The following CPS1 variants were observed in gnomAD, a reference collection of about 807,000 sequenced individuals.
The protein encoded by CPS1 is carbamoyl-phosphate synthase 1.
CPS1 carries 109 observed loss-of-function variants against 174.6 expected under a neutral mutation model. The ratio of observed to expected loss-of-function variants is 0.62; its 90% CI spans 0.53 to 0.73. The LOEUF is 0.73. CPS1 is among the 30% of genes least tolerant of loss of function. The pLI is 0.00. For synonymous variants in CPS1, 637 were observed against 632.0 expected (o/e 1.01, Z -0.12); for missense variants, 1,689 against 1,821.9 (o/e 0.93, Z 1.33).
intron 34 of CPS1, chr2:210,672,694 CA>C (rs1701350737): frequency 6.6e-6 from 1 of 152,070 alleles, no homozygotes; most frequent in Admixed American, 6.6e-5. Flanking sequence ...CATCTAAGCT[CA>C]TTTCTTTCTG....
Position 210,612,237 on chromosome 2 carries a change from G to A in CPS1, c.2512G>A (p.Asp838Asn), listed in dbSNP as rs746628905. Residue 838 changes from aspartate (D) to asparagine (N), a missense_variant, in exon 20 of 38, where the codon GAT becomes AAT. Coordinates refer to ENST00000233072, the MANE Select transcript of CPS1 (RefSeq NM_001875.5). ...GAACAAAGAATGGCCATCTAATTTA[G>A]ATCTTAGAAAAGAGTTGTCTGAACC... ...PMNKEWPSNL[D>N]LRKELSEPSS... The A allele has an allele frequency of 8.7e-6, 14 of 1,612,032 alleles. No homozygotes were observed. The East Asian group carries it at 2.7e-4, about 31-fold the overall frequency.
chr2:210,592,926 A>C lies in CPS1; in HGVS notation c.1134A>C (p.Pro378=), dbSNP rs1559094203. 6.2e-7 allele frequency: 1 copy of C among 1,612,480 alleles called. No individual in the cohort carries two copies. Among genetic ancestry groups the C allele is most frequent in the African/African-American group, 1.3e-5 (1 of 74,800 alleles). ...CCTTCTTCGCTGTGCAGTTCCACCC[A>C]GAGGTCACCCCGGGGCCAATAGACA... ...SKPFFAVQFH[P]EVTPGPIDTE... Residue 378 remains proline, a synonymous_variant, in exon 11 of 38, where the codon CCA becomes CCC. Transcript: ENST00000233072.
chr2:210,600,737 A>G (rs757586824), intron 15 of CPS1, 25 bp downstream of exon 15: 1 of 1,610,734 alleles, frequency 6.2e-7, no homozygotes, highest in Non-Finnish European at 8.5e-7. Context: ...CTTTGGAAAA[A>G]CAAGGGCATT....
At position 210,660,538 on chromosome 2, in the gene CPS1, T is replaced by C; in HGVS notation, c.3810T>C (p.Thr1270=). ...GATCCTTCCCCTTTGTTTCCAAGAC[T>C]CTTGGGGTTGACTTCATTGATGTGG... ...ASRSFPFVSK[T]LGVDFIDVAT... is the part of the protein sequence containing the mutation. Residue 1270 remains threonine, a synonymous_variant, in exon 32 of 38, where the codon ACT becomes ACC. Transcript: ENST00000233072. 6.2e-7 allele frequency: 1 copy of C among 1,614,182 alleles called. No homozygotes were observed.
intron 1 of CPS1, among the ~76,000 whole-genome samples, chr2:210,514,814 A>G (rs1387420546): frequency 2.1e-5 from 3 of 142,398 alleles, no homozygotes; most frequent in Non-Finnish European, 4.6e-5. Context: ...GTTTAGTGTG[A>G]TGCTGGTTGT....
chr2:210,606,970 T>G (rs1427479239), intron 18 of CPS1, 29 bp downstream of exon 18: 2 of 1,591,486 alleles, frequency 1.3e-6, no homozygotes, highest in South Asian at 1.1e-5. Flanking sequence ...ACCATGGGTT[T>G]GCAGATTCTT....
At chr2:210,627,186 G>A (rs1699723287) in intron 21 of CPS1, among the ~76,000 whole-genome samples, 1 of 152,108 alleles carries the variant, frequency 6.6e-6, no homozygotes, top group Non-Finnish European at 1.5e-5. Context: ...AAACTCTTGG[G>A]GGAAAACACA....
At chr2:210,504,563 G>C in intron 1 of CPS1, among the ~76,000 whole-genome samples, 1 of 152,152 alleles carries the variant, frequency 6.6e-6, no homozygotes, top group African/African-American at 2.4e-5. Context: ...GCTGAGCCAA[G>C]CTCTGATTCC....
At chr2:210,666,444 GT>G (rs1253141249) in intron 33 of CPS1, among the ~76,000 whole-genome samples, 3 of 151,650 alleles carry the variant, frequency 2.0e-5, no homozygotes, top group African/African-American at 7.3e-5. Flanking sequence ...TTCTTCTAGG[GT>G]TTTTATGGTT....
At chr2:210,663,431 AC>A (rs1487514603) in intron 33 of CPS1, among the ~76,000 whole-genome samples, 1 of 152,220 alleles carries the variant, frequency 6.6e-6, no homozygotes, top group Non-Finnish European at 1.5e-5. Flanking sequence ...ATTCATTTTC[AC>A]ATGAGAACAT....
chr2:210,646,495 A>T (rs1423679171), intron 25 of CPS1, among the ~76,000 whole-genome samples: 4 of 152,174 alleles, frequency 2.6e-5, no homozygotes. Context: ...CTCATCCCTT[A>T]TAAGAGTATT....
Position 210,660,591 on chromosome 2 carries a change from T to C in CPS1, c.3863T>C (p.Val1288Ala), listed in dbSNP as rs775296894. The change falls in exon 32 of 38, where the codon GTT becomes GCT. Residue 1288 changes from valine (V) to alanine (A), a missense_variant. By Grantham distance (64) the Val-to-Ala change is moderately conservative (BLOSUM62 0). Transcript: ENST00000233072. ...VATKVMIGEN[V>A]DEKHLPTLDH... is the part of the protein sequence containing the mutation. ...ACCAAGGTGATGATTGGAGAGAATGTTGATGAGAAACATCTTCCAACATTG... is the reference window on the plus strand; with the variant it reads ...ACCAAGGTGATGATTGGAGAGAATGCTGATGAGAAACATCTTCCAACATTG... The C allele has an allele frequency of 1.2e-6, 2 of 1,614,204 alleles. No individual in the cohort carries two copies. Among genetic ancestry groups the C allele is most frequent in the South Asian group, 1.1e-5 (1 of 91,088 alleles).
At chr2:210,555,214 C>A (rs994319926), upstream of CPS1, among the ~76,000 whole-genome samples, 2 of 152,002 alleles carry the variant, frequency 1.3e-5, no homozygotes, top group Non-Finnish European at 2.9e-5. Context: ...GCTCATGCCA[C>A]GGCATCCCTT....
intron 6 of CPS1, 62 bp downstream of exon 6, chr2:210,582,771 A>G (rs1697968143): frequency 7.8e-7 from 1 of 1,275,194 alleles, no homozygotes; most frequent in Non-Finnish European, 1.1e-6. Flanking sequence ...TTCTTGAAAT[A>G]TCAAAATCTT....
chr2:210,580,908 T>G (rs1697903097), intron 5 of CPS1, among the ~76,000 whole-genome samples: 1 of 151,790 alleles, frequency 6.6e-6, no homozygotes. Context: ...TCAAAAAATT[T>G]TTTTGTAGAT....
In CPS1 at chr2:210,591,899, A is replaced by G. The variant is rs755446387; in HGVS notation, c.1016A>G (p.Tyr339Cys). The change falls in exon 10 of 38, where the codon TAT (tyrosine) becomes TGT (cysteine). Residue 339 changes from tyrosine (Y) to cysteine (C), a missense_variant. Transcript: ENST00000233072. ...TTCATTACTGCTCAGAATCATGGCT[A>G]TGCCTTGGACAACACCCTCCCTGCT... Reference protein sequence around the residue: ...QAFITAQNHGYALDNTLPAGW... With the variant: ...QAFITAQNHGCALDNTLPAGW... 5 of 1,612,528 alleles carry G rather than the reference A, an allele frequency of 3.1e-6. No individual in the cohort carries two copies. The highest frequency in any genetic ancestry group is 1.7e-5 in the Admixed American group (1 of 59,836).
chr2:210,540,283 A>C (rs910422454), intron 1 of CPS1, among the ~76,000 whole-genome samples: 31 of 152,274 alleles, frequency 2.0e-4, no homozygotes, highest in African/African-American at 7.5e-4. Context: ...AAACCACCCA[A>C]AAGAAATAGG....
intron 21 of CPS1, among the ~76,000 whole-genome samples, chr2:210,629,839 A>G (rs965223854): frequency 2.0e-5 from 3 of 149,252 alleles, no homozygotes; most frequent in Non-Finnish European, 4.5e-5. Flanking sequence ...TCATGAGGTC[A>G]GGAGATCGAG....
In CPS1 at chr2:210,608,133, G is replaced by A. The variant is rs149872867; in HGVS notation, c.2193-228G>A. Among the ~76,000 whole-genome samples the A allele has an allele frequency of 3.4e-3, 511 of 151,982 alleles. 2 individuals carry two copies. Among genetic ancestry groups the A allele is most frequent in the African/African-American group, 0.011 (463 of 41,528 alleles). On this transcript the variant is annotated intron_variant, in intron 18 of 37. Coordinates refer to ENST00000233072, the MANE Select transcript of CPS1 (RefSeq NM_001875.5). ...AAGGTTGAGCGTTGTAGCAATGCAT[G>A]TAGTGCACAGAGAGTAAATTCTCCT...
Sources: allele counts gnomAD v4.1 joint callset (sites outside exome capture counted in the v4.1 genomes callset), GRCh38; gene constraint gnomAD v4.1.1; transcripts MANE v1.5; gene names NCBI Gene and HGNC (gene_info 2026-07-23, HGNC 2026-07-21).